Variants in NUDCD1 observed in about 807,000 individuals in gnomAD.
The protein encoded by NUDCD1 is NudC domain containing 1.
Under a neutral mutation model 67.8 loss-of-function variants are expected in NUDCD1, and 60 were observed. The observed-to-expected ratio is 0.88, with a 90% CI of 0.72 to 1.10. The LOEUF (loss-of-function observed/expected upper bound fraction) is 1.10, where lower values mean the gene tolerates loss of function less well. Ranked by LOEUF, NUDCD1 falls within the 50% of genes least tolerant of loss-of-function variation. The pLI is 0.00. For synonymous variants in NUDCD1, 244 were observed against 230.8 expected, an observed-to-expected ratio of 1.06 and a Z score of -0.52; for missense variants, 643 against 695.0, an observed-to-expected ratio of 0.93 and a Z score of 0.84.
chr8:109,254,685 CAATT>C (rs1373948822), intron 8 of NUDCD1, among the ~76,000 whole-genome samples: 1 of 151,962 alleles, frequency 6.6e-6, no homozygotes, highest in African/African-American at 2.4e-5. Context: ...TTCAAATAGT[CAATT>C]AATTGTCTTA....
rs543127559 is a variant in NUDCD1, at chr8:109,275,846, G to C, written c.1029-350C>G. Among the ~76,000 whole-genome samples the C allele has an allele frequency of 1.8e-3, 277 of 152,226 alleles. 3 individuals carry two copies. Among genetic ancestry groups the C allele is most frequent in the Non-Finnish European group, 3.2e-3 (216 of 68,008 alleles). On this transcript the variant is annotated intron_variant, in intron 6 of 9. Transcript: ENST00000239690. ...GAAGCATGGATCTATAAGACATCTG[G>C]GGAATGGTCGGGGGTGTGGGCATGT...
chr8:109,254,773 TA>T (rs1357612609), intron 8 of NUDCD1, among the ~76,000 whole-genome samples: 3 of 152,098 alleles, frequency 2.0e-5, no homozygotes, highest in Non-Finnish European at 2.9e-5. Context: ...AGACAACTTT[TA>T]ATCACTTCTA....
rs1814728597 is a variant in NUDCD1, at chr8:109,292,312, C to T, written c.640+1032G>A. 2.6e-5 allele frequency among the ~76,000 whole-genome samples: 4 copies of T among 151,912 alleles called. No individual in the cohort carries two copies. In the South Asian group the frequency reaches 8.3e-4, roughly 31 times the overall value. ...ATTAAAGTTTAAAGTTACTGTGTTC[C>T]TCCAGAGATAAAACTACAACACCAA... On this transcript the variant is annotated intron_variant, in intron 4 of 9. Transcript: ENST00000239690.
chr8:109,248,160 C>T (rs1813541589), intron 8 of NUDCD1, among the ~76,000 whole-genome samples: 1 of 152,166 alleles, frequency 6.6e-6, no homozygotes, highest in Non-Finnish European at 1.5e-5. Context: ...ATGGGCCCGG[C>T]CACAAGCCAA....
intron 4 of NUDCD1, among the ~76,000 whole-genome samples, chr8:109,292,691 G>T (rs1379234774): frequency 6.6e-6 from 1 of 152,010 alleles, no homozygotes; most frequent in Admixed American, 6.6e-5. Context: ...GAGTCAGCAG[G>T]AACTAAGCAA....
chr8:109,304,959 G>A (rs1309430109), intron 2 of NUDCD1, among the ~76,000 whole-genome samples: 1 of 152,138 alleles, frequency 6.6e-6, no homozygotes, highest in Non-Finnish European at 1.5e-5. Context: ...CAGCCTCACA[G>A]GCCCATTCTA....
Position 109,296,510 on chromosome 8 carries a change from A to C in NUDCD1, c.333T>G (p.Cys111Trp). Reference sequence around the variant, plus strand: ...GGATAGATGCACAAAGACGGTTGTCACATGCTGTCAAATCTGTAGGAAGTC... The same window carrying C: ...GGATAGATGCACAAAGACGGTTGTCCCATGCTGTCAAATCTGTAGGAAGTC... The part of the protein sequence containing the change: ...VFRLPTDLTA[C>W]DNRLCASIHF... The change falls in exon 3 of 10, where the codon TGT becomes TGG. Residue 111 changes from cysteine (C) to tryptophan (W), a missense_variant. Cys to Trp is a radical substitution (Grantham distance 215). Transcript: ENST00000239690. The C allele has an allele frequency of 6.2e-7, 1 of 1,613,060 alleles. No individual in the cohort carries two copies. The highest frequency in any genetic ancestry group is 8.5e-7 in the Non-Finnish European group (1 of 1,179,254).
intron 2 of NUDCD1, among the ~76,000 whole-genome samples, chr8:109,297,930 C>T (rs542437022): frequency 3.2e-4 from 48 of 152,200 alleles, no homozygotes; most frequent in African/African-American, 1.1e-3. Context: ...TATTTCATTA[C>T]TTTCTCCTAG....
chr8:109,261,267 T>C (rs1563662435), intron 8 of NUDCD1, among the ~76,000 whole-genome samples: 1 of 152,002 alleles, frequency 6.6e-6, no homozygotes, highest in Admixed American at 6.6e-5. Context: ...GACATAAAAA[T>C]TACACAAGGA....
intron 1 of NUDCD1, among the ~76,000 whole-genome samples, chr8:109,331,637 A>G: frequency 6.6e-6 from 1 of 152,188 alleles, no homozygotes; most frequent in East Asian, 1.9e-4. Context: ...CAACTTTGTG[A>G]ATTTTTTCTA....
intron 1 of NUDCD1, among the ~76,000 whole-genome samples, chr8:109,327,476 A>G (rs184939704): frequency 6.6e-6 from 1 of 152,344 alleles, no homozygotes; most frequent in Non-Finnish European, 1.5e-5. Context: ...CACAAAGATC[A>G]TTAGGAAAAG....
intron 6 of NUDCD1, among the ~76,000 whole-genome samples, chr8:109,275,918 T>C (rs1307078074): frequency 1.3e-5 from 2 of 152,168 alleles, no homozygotes; most frequent in Non-Finnish European, 2.9e-5. Context: ...TCTTTGTGTC[T>C]GGAATCAACA....
intron 4 of NUDCD1, among the ~76,000 whole-genome samples, chr8:109,292,004 A>C (rs1271196311): frequency 6.6e-6 from 1 of 152,206 alleles, no homozygotes; most frequent in Non-Finnish European, 1.5e-5. Context: ...CCTTGAGCCA[A>C]AGCTGAATCT....
chr8:109,284,896 A>C (rs1485661734), intron 5 of NUDCD1, among the ~76,000 whole-genome samples: 1 of 151,974 alleles, frequency 6.6e-6, no homozygotes, highest in Admixed American at 6.6e-5. Flanking sequence ...TTTTTTTGAA[A>C]GGATAAACAA....
intron 7 of NUDCD1, among the ~76,000 whole-genome samples, chr8:109,272,583 C>T (rs899599370): frequency 2.0e-5 from 3 of 152,036 alleles, no homozygotes; most frequent in Non-Finnish European, 4.4e-5. Context: ...ATAAATTATA[C>T]AATATTTGCA....
chr8:109,250,049 T>A (rs1207990668), intron 8 of NUDCD1, among the ~76,000 whole-genome samples: 6 of 151,960 alleles, frequency 3.9e-5, no homozygotes, highest in Non-Finnish European at 7.4e-5. Flanking sequence ...GGTCTCACTA[T>A]GTTGCCCAGG....
At chr8:109,249,847 C>CT (rs35856577) in intron 8 of NUDCD1, among the ~76,000 whole-genome samples, 13,272 of 133,874 alleles carry the variant, frequency 0.099, 1,132 homozygotes, top group African/African-American at 0.22. Context: ...TTGTTGAATT[C>CT]TTTTTTTTTT....
intron 2 of NUDCD1, among the ~76,000 whole-genome samples, chr8:109,303,745 C>T (rs1815042534): frequency 6.6e-6 from 1 of 152,082 alleles, no homozygotes; most frequent in African/African-American, 2.4e-5. Flanking sequence ...GATCACGCAA[C>T]CCTTACCATC....
intron 6 of NUDCD1, among the ~76,000 whole-genome samples, chr8:109,277,474 A>C (rs1243772653): frequency 2.6e-5 from 4 of 152,048 alleles, no homozygotes; most frequent in Admixed American, 1.3e-4. Context: ...CAAAAAAAAA[A>C]CCCCAAACAA....
Sources: allele counts gnomAD v4.1 joint callset (sites outside exome capture counted in the v4.1 genomes callset), GRCh38; gene constraint gnomAD v4.1.1; transcripts MANE v1.5; gene names NCBI Gene and HGNC (gene_info 2026-07-23, HGNC 2026-07-21).